Variants in CLNS1A observed in about 807,000 individuals in gnomAD.
CLNS1A encodes methylosome subunit pICln.
CLNS1A carries 16 observed loss-of-function variants against 29.4 expected under a neutral mutation model. The ratio of observed to expected loss-of-function variants is 0.54; its 90% CI spans 0.37 to 0.83. The LOEUF is 0.83. CLNS1A is among the 40% of genes least tolerant of loss of function. The pLI is 0.00. For synonymous variants in CLNS1A, 96 were observed against 104.8 expected, an observed-to-expected ratio of 0.92 and a Z score of 0.51; for missense variants, 235 against 287.4, an observed-to-expected ratio of 0.82 and a Z score of 1.32.
chr11:77,623,173 G>A (rs1958980921), intron 4 of CLNS1A, among the ~76,000 whole-genome samples: 2 of 152,064 alleles, frequency 1.3e-5, no homozygotes, highest in African/African-American at 4.8e-5. Context: ...AAAAAAGTGT[G>A]TTCCTAAGGT....
chr11:77,637,409 C>A (rs1298297571), intron 1 of CLNS1A, among the ~76,000 whole-genome samples, 181 bp downstream of exon 1: 3 of 151,158 alleles, frequency 2.0e-5, no homozygotes, highest in Non-Finnish European at 2.9e-5. Context: ...TGGAAGACTC[C>A]GGAGGAGTAC....
rs1407515859 is a variant in CLNS1A at position 77,616,110 on chromosome 11, AC to A, written c.*607del. The A allele has an allele frequency of 6.6e-6, 1 of 152,192 alleles. No homozygotes were observed. The highest frequency in any genetic ancestry group is 1.5e-5 in the Non-Finnish European group (1 of 68,042). The allele number at this position is 152,192 out of a possible 1,614,324, so 9.4% of individuals were successfully genotyped here. The stretch of plus-strand genomic sequence containing the variant: ...ATTTGCCAGCATTATTTTTTAAAAA[AC>A]ATTTCTCATTAATGGTTTTAGTCAA... On this transcript the variant is annotated 3_prime_UTR_variant, in exon 7 of 7. Coordinates refer to ENST00000525428, the MANE Select transcript of CLNS1A (RefSeq NM_001293.3).
Position 77,622,598 on chromosome 11 carries a change from G to C in CLNS1A, c.548C>G (p.Ala183Gly), listed in dbSNP as rs1958970267. 5.0e-6 allele frequency: 8 copies of C among 1,613,506 alleles called. No individual in the cohort carries two copies. The African/African-American group carries it at 5.3e-5, about 11-fold the overall frequency. The change falls in exon 5 of 7, where the codon GCC (alanine) becomes GGC (glycine). Residue 183 changes from alanine (A) to glycine (G), a missense_variant. Coordinates refer to ENST00000525428, the MANE Select transcript of CLNS1A (RefSeq NM_001293.3). ...CATTCCTTCTAATCTCTCCAGTGTG[G>C]CTTGGCCTTCTGCTGTTAGATGGGA... ...GLSHLTAEGQ[A>G]TLERLEGMLS...
Position 77,624,881 on chromosome 11 carries a change from T to A in CLNS1A, c.472+82A>T, listed in dbSNP as rs1199449838. ...TTTACAGTCATATAAAGAACTATAA[T>A]CCTCTACCCTTAATACAAATAAATG... On this transcript the variant is annotated intron_variant, in intron 4 of 6. Coordinates refer to ENST00000525428, the MANE Select transcript of CLNS1A (RefSeq NM_001293.3). 16 of 818,302 alleles carry A rather than the reference T, an allele frequency of 2.0e-5. 1 individual carries two copies. Among genetic ancestry groups the A allele is most frequent in the Non-Finnish European group, 2.0e-6 (1 of 491,690 alleles). The allele number at this position is 818,302 out of a possible 1,614,324, so 50.7% of individuals were successfully genotyped here.
intron 1 of CLNS1A, among the ~76,000 whole-genome samples, chr11:77,632,383 G>A (rs1232858119): frequency 2.0e-5 from 3 of 152,122 alleles, no homozygotes; most frequent in African/African-American, 4.8e-5. Flanking sequence ...ACTCAATGAC[G>A]ACATGGAAAA....
intron 2 of CLNS1A, 79 bp downstream of exon 2, chr11:77,629,684 G>A (rs561238749): frequency 4.0e-4 from 571 of 1,435,346 alleles, no homozygotes; most frequent in Non-Finnish European, 5.2e-4. Context: ...GTGAGCCACC[G>A]TGCCCGGCCT....
rs764076653 is a variant in CLNS1A at position 77,625,086 on chromosome 11, A to G, written c.365-16T>C. On this transcript the variant is annotated splice_polypyrimidine_tract_variant and intron_variant, in intron 3 of 6. Transcript: ENST00000525428. ...ATTGCCTCCACTGAACAAGGAAATT[A>G]AACTGTAACCAATCTTTTTTTGTAA... 1.9e-6 allele frequency: 3 copies of G among 1,555,146 alleles called. No individual in the cohort carries two copies. The highest frequency in any genetic ancestry group is 2.6e-6 in the Non-Finnish European group (3 of 1,132,922).
rs1262764810 is a variant in CLNS1A, at chr11:77,637,742, T to G, written c.-28A>C. ...CAGCAGAGTGCGGCAACACAGGCCC[T>G]GAGGGAGTTGGAGCACAGCAATGCG... On this transcript the variant is annotated 5_prime_UTR_variant, in exon 1 of 7. Coordinates refer to ENST00000525428, the MANE Select transcript of CLNS1A (RefSeq NM_001293.3). 5 of 1,547,618 alleles carry G rather than the reference T, an allele frequency of 3.2e-6. No individual in the cohort carries two copies. Among genetic ancestry groups the G allele is most frequent in the Non-Finnish European group, 4.4e-6 (5 of 1,144,886 alleles).
intron 1 of CLNS1A, among the ~76,000 whole-genome samples, chr11:77,634,680 C>T (rs1030485997): frequency 5.5e-5 from 8 of 146,194 alleles, no homozygotes; most frequent in Non-Finnish European, 8.9e-5. Flanking sequence ...GCCAAGGTCG[C>T]GCCACTGCAC....
At chr11:77,619,382 T>C in intron 6 of CLNS1A, 1 of 449,018 alleles carries the variant, frequency 2.2e-6, no homozygotes, top group Non-Finnish European at 4.0e-6. Flanking sequence ...AATTTTAAAA[T>C]AAGCTGGGTG....
intron 5 of CLNS1A, among the ~76,000 whole-genome samples, chr11:77,621,709 T>TA (rs1958960019): frequency 6.6e-6 from 1 of 152,236 alleles, no homozygotes; most frequent in African/African-American, 2.4e-5. Context: ...GGTGTCCAGA[T>TA]AGTTGGTCAA....
intron 2 of CLNS1A, among the ~76,000 whole-genome samples, chr11:77,626,166 AC>A (rs1179489329): frequency 6.6e-6 from 1 of 152,064 alleles, no homozygotes; most frequent in Non-Finnish European, 1.5e-5. Context: ...CAGACTGGAC[AC>A]CCTTGCCCTC....
Position 77,625,717 on chromosome 11 carries a change from A to T in CLNS1A, c.364T>A (p.Leu122Met), listed in dbSNP as rs1565126669. Residue 122 changes from leucine (L) to methionine (M), a missense_variant and splice_region_variant, in exon 3 of 7, where the codon TTG becomes ATG. Leu to Met is a conservative substitution (Grantham distance 15). Coordinates refer to ENST00000525428, the MANE Select transcript of CLNS1A (RefSeq NM_001293.3). ...AGAATCAATACTGTAGAACACTCAC[A>T]CGCTGATTTATCACTAGGCACAAAT... The part of the protein sequence containing the change: ...FRFVPSDKSA[L>M]EAMFTAMCEC... 6.2e-7 allele frequency: 1 copy of T among 1,610,212 alleles called. No homozygotes were observed. Among genetic ancestry groups the T allele is most frequent in the Admixed American group, 1.7e-5 (1 of 59,482 alleles).
intron 5 of CLNS1A, chr11:77,621,856 A>G: frequency 2.4e-6 from 1 of 412,658 alleles, no homozygotes; most frequent in South Asian, 1.8e-5. Context: ...TCAATAGGAA[A>G]AAGACTCACC....
intron 5 of CLNS1A, 32 bp from the exon 6 acceptor site, chr11:77,619,727 C>T: frequency 7.1e-7 from 1 of 1,412,256 alleles, no homozygotes; most frequent in Non-Finnish European, 1.0e-6. Context: ...TGAGCAATCC[C>T]TATGAACACT....
At chr11:77,623,781 T>A (rs1351891244) in intron 4 of CLNS1A, among the ~76,000 whole-genome samples, 3 of 152,138 alleles carry the variant, frequency 2.0e-5, no homozygotes, top group African/African-American at 7.2e-5. Context: ...ATACCCAGAT[T>A]GGTGTACATA....
intron 3 of CLNS1A, 137 bp from the exon 4 acceptor site, chr11:77,625,207 G>C (rs535651129): frequency 4.0e-5 from 25 of 626,806 alleles, no homozygotes; most frequent in Middle Eastern, 2.9e-4. Flanking sequence ...CTTGAAAGCG[G>C]TTGAAGCAAA....
chr11:77,627,699 A>G (rs891873447), intron 2 of CLNS1A, among the ~76,000 whole-genome samples: 1 of 152,166 alleles, frequency 6.6e-6, no homozygotes, highest in South Asian at 2.1e-4. Flanking sequence ...CTTCCCATGT[A>G]TTTCTAATGT....
rs534834484 is a variant in CLNS1A at position 77,626,751 on chromosome 11, G to A, written c.263-933C>T. On this transcript the variant is annotated intron_variant, in intron 2 of 6. Coordinates refer to ENST00000525428, the MANE Select transcript of CLNS1A (RefSeq NM_001293.3). ...CTGTCGCCCAGGCTGGACTGCAGTG[G>A]TGCCATCTCGGCTCACTGCAAGCTC... Among the ~76,000 whole-genome samples the A allele has an allele frequency of 2.0e-5, 3 of 148,184 alleles. No homozygotes were observed. The South Asian group carries it at 6.4e-4, about 32-fold the overall frequency.
Sources: gnomAD v4.1 joint callset for allele counts (sites outside exome capture counted in the v4.1 genomes callset) on GRCh38, gnomAD v4.1.1 for gene constraint, MANE v1.5 for transcripts, NCBI Gene and HGNC (gene_info 2026-07-23, HGNC 2026-07-21) for gene names.